The following SPTLC3 variants were observed in gnomAD, a reference collection of about 807,000 sequenced individuals.
SPTLC3 encodes the protein serine palmitoyltransferase long chain base subunit 3, also known as serine palmitoyltransferase 3.
In SPTLC3, 36 loss-of-function variants were observed where a neutral mutation model predicts 59.3. That is an observed-to-expected ratio of 0.61 (90% confidence interval 0.47 to 0.80). The LOEUF (loss-of-function observed/expected upper bound fraction) is 0.80, where lower values mean the gene tolerates loss of function less well. SPTLC3 is among the 30% of genes least tolerant of loss of function. The probability of loss-of-function intolerance (pLI) is 0.00; values close to 1 mark genes in which losing one functional copy is unlikely to be tolerated. For missense variants in SPTLC3, 625 were observed against 685.1 expected (o/e 0.91, Z 0.98); for synonymous variants, 257 against 240.8 (o/e 1.07, Z -0.62).
chr20:13,143,426 T>C (rs935994379), intron 9 of SPTLC3, among the ~76,000 whole-genome samples: 1 of 152,242 alleles, frequency 6.6e-6, no homozygotes, highest in Non-Finnish European at 1.5e-5. Flanking sequence ...CTCATAACAG[T>C]ATGCAGTGGG....
At chr20:13,026,123 T>A (rs1392322266) in intron 1 of SPTLC3, among the ~76,000 whole-genome samples, 1 of 152,240 alleles carries the variant, frequency 6.6e-6, no homozygotes, top group South Asian at 2.1e-4. Flanking sequence ...TTATCCAGTT[T>A]GTCACTGATA....
At chr20:13,161,314 A>G (rs558800324) in intron 11 of SPTLC3, among the ~76,000 whole-genome samples, 24 of 152,314 alleles carry the variant, frequency 1.6e-4, no homozygotes, top group Middle Eastern at 6.8e-3. Context: ...GCTCAGTCCT[A>G]GACATGTTGA....
chr20:13,044,641 A>C (rs1369910568), intron 1 of SPTLC3, among the ~76,000 whole-genome samples: 1 of 152,200 alleles, frequency 6.6e-6, no homozygotes, highest in East Asian at 1.9e-4. Flanking sequence ...ATCTCTATTC[A>C]GAATATTTAA....
chr20:13,046,157 G>A (rs1195354546), intron 1 of SPTLC3, among the ~76,000 whole-genome samples: 1 of 152,138 alleles, frequency 6.6e-6, no homozygotes, highest in Non-Finnish European at 1.5e-5. Flanking sequence ...AAAAAGCACT[G>A]TATCCACAAA....
At chr20:13,106,856 C>G (rs537570785) in intron 6 of SPTLC3, among the ~76,000 whole-genome samples, 3 of 152,302 alleles carry the variant, frequency 2.0e-5, no homozygotes, top group East Asian at 1.9e-4. Context: ...TTGGAACTAG[C>G]AAACTGTCTC....
intron 7 of SPTLC3, among the ~76,000 whole-genome samples, chr20:13,111,073 A>G (rs2122707044): frequency 6.6e-6 from 1 of 152,286 alleles, no homozygotes; most frequent in Middle Eastern, 3.4e-3. Flanking sequence ...TTTTAAGAAA[A>G]AAAAAGTGAA....
chr20:13,137,066 G>C lies in SPTLC3; in HGVS notation c.1279+10349G>C, dbSNP rs1372120163. Among the ~76,000 whole-genome samples the C allele has an allele frequency of 2.0e-5, 3 of 152,046 alleles. No individual in the cohort carries two copies. In the East Asian group the frequency reaches 5.8e-4, roughly 29 times the overall value. On this transcript the variant is annotated intron_variant, in intron 9 of 11. Transcript: ENST00000399002. ...ATGGGGAAATTGAGTCTGCAAATTA[G>C]AGCTAAGTCCCCCAATCATTGTGCT...
At chr20:13,094,737 A>G (rs927318622) in intron 6 of SPTLC3, among the ~76,000 whole-genome samples, 4 of 152,164 alleles carry the variant, frequency 2.6e-5, no homozygotes, top group South Asian at 2.1e-4. Flanking sequence ...TGAAAAATCT[A>G]TGGCTCTCAC....
At chr20:13,139,333 T>C (rs6041897) in intron 9 of SPTLC3, among the ~76,000 whole-genome samples, 1 of 151,908 alleles carries the variant, frequency 6.6e-6, no homozygotes, top group African/African-American at 2.4e-5. Flanking sequence ...ATTAGTTAAG[T>C]TATGTTACTT....
intron 1 of SPTLC3, among the ~76,000 whole-genome samples, chr20:13,027,145 A>G (rs1221857138): frequency 1.3e-5 from 2 of 152,162 alleles, no homozygotes; most frequent in Non-Finnish European, 2.9e-5. Context: ...GCTTCCTGGG[A>G]TAACCTTCCA....
At chr20:13,102,778 C>T (rs1989650437) in intron 6 of SPTLC3, among the ~76,000 whole-genome samples, 1 of 152,198 alleles carries the variant, frequency 6.6e-6, no homozygotes. Flanking sequence ...TCCACAATCT[C>T]CTTCCTGAGG....
intron 6 of SPTLC3, among the ~76,000 whole-genome samples, chr20:13,104,804 C>T (rs928099670): frequency 7.2e-5 from 11 of 152,112 alleles, no homozygotes; most frequent in East Asian, 3.9e-4. Flanking sequence ...TTTTAATTTC[C>T]GTATCTCAGA....
intron 7 of SPTLC3, among the ~76,000 whole-genome samples, chr20:13,112,672 C>T (rs901513196): frequency 6.6e-6 from 1 of 152,174 alleles, no homozygotes; most frequent in East Asian, 1.9e-4. Context: ...CCTTTCATTT[C>T]ACCCACACAG....
chr20:13,014,618 T>G (rs1021576176), intron 1 of SPTLC3, among the ~76,000 whole-genome samples: 3 of 151,694 alleles, frequency 2.0e-5, no homozygotes, highest in Admixed American at 6.6e-5. Flanking sequence ...TGCAAGAAAT[T>G]TATTAGGGAG....
At chr20:13,064,111 C>A (rs1988084317) in intron 2 of SPTLC3, among the ~76,000 whole-genome samples, 1 of 148,264 alleles carries the variant, frequency 6.7e-6, no homozygotes, top group South Asian at 2.1e-4. Context: ...CTCACTGCAA[C>A]CTCTGCCTTC....
At chr20:13,043,577 C>T (rs181725897) in intron 1 of SPTLC3, among the ~76,000 whole-genome samples, 10 of 152,284 alleles carry the variant, frequency 6.6e-5, no homozygotes, top group East Asian at 3.9e-4. Flanking sequence ...AGTCTGCGTC[C>T]CTGTGGCCAG....
In SPTLC3 at chr20:13,043,115, C is replaced by G. The variant is rs141094477; in HGVS notation, c.118-5830C>G. Among the ~76,000 whole-genome samples, 7 of 152,300 alleles carry G rather than the reference C, an allele frequency of 4.6e-5. 1 individual carries two copies. Among genetic ancestry groups the G allele is most frequent in the Non-Finnish European group, 7.4e-5 (5 of 68,020 alleles). The stretch of plus-strand genomic sequence containing the variant: ...TAGGCAGAGACTTATTCTTAAACAC[C>G]AGTATCCTTGGAAGTTTGTGTTCTC... On this transcript the variant is annotated intron_variant, in intron 1 of 11. Coordinates refer to ENST00000399002, the MANE Select transcript of SPTLC3 (RefSeq NM_018327.4).
chr20:13,154,978 C>T (rs1475843332), intron 10 of SPTLC3, among the ~76,000 whole-genome samples: 2 of 151,910 alleles, frequency 1.3e-5, no homozygotes, highest in African/African-American at 2.4e-5. Flanking sequence ...GTCAGGAGTT[C>T]GAGACCAGCC....
intron 4 of SPTLC3, among the ~76,000 whole-genome samples, chr20:13,081,022 A>T (rs1476415679): frequency 6.6e-6 from 1 of 152,162 alleles, no homozygotes; most frequent in Non-Finnish European, 1.5e-5. Context: ...AAGTTGCTTA[A>T]ACTCAAATCC....
Sources: gnomAD v4.1 joint callset for allele counts (sites outside exome capture counted in the v4.1 genomes callset) on GRCh38, gnomAD v4.1.1 for gene constraint, MANE v1.5 for transcripts, NCBI Gene and HGNC (gene_info 2026-07-23, HGNC 2026-07-21) for gene names.